The following PTPRO variants were observed in gnomAD, a reference collection of about 807,000 sequenced individuals.
The protein encoded by PTPRO is receptor-type tyrosine-protein phosphatase O.
In PTPRO, 62 loss-of-function variants were observed where a neutral mutation model predicts 145.2. The observed-to-expected ratio is 0.43, with a 90% confidence interval of 0.35 to 0.53. The LOEUF (loss-of-function observed/expected upper bound fraction) is 0.53, where lower values mean the gene tolerates loss of function less well. Among genes scored for constraint, PTPRO ranks in the 20% least tolerant of loss-of-function variants. The pLI is 0.01. For synonymous variants in PTPRO, 565 were observed against 514.7 expected, an observed-to-expected ratio of 1.10 and a Z score of -1.32; for missense variants, 1,345 against 1,482.7, an observed-to-expected ratio of 0.91 and a Z score of 1.53.
At chr12:15,397,236 T>C (rs1272829574) in intron 1 of PTPRO, among the ~76,000 whole-genome samples, 1 of 152,218 alleles carries the variant, frequency 6.6e-6, no homozygotes, top group Admixed American at 6.5e-5. Flanking sequence ...TTCTAACAAC[T>C]GTGTTTTATT....
In PTPRO at chr12:15,553,241, T is replaced by C. The variant is rs192493424; in HGVS notation, c.2558+1570T>C. ...ATATGTGCCTTCATGGAGCTCATAT[T>C]CTAGTGGGAGAAATAGACAATAAAC... On this transcript the variant is annotated intron_variant, in intron 15 of 26. Transcript: ENST00000281171. Among the ~76,000 whole-genome samples, 409 of 152,310 alleles carry C rather than the reference T, an allele frequency of 2.7e-3. 4 individuals are homozygous for C. The highest frequency in any genetic ancestry group is 9.6e-3 in the African/African-American group (397 of 41,560).
chr12:15,405,921 T>C (rs1014551589), intron 1 of PTPRO, among the ~76,000 whole-genome samples: 6 of 152,216 alleles, frequency 3.9e-5, no homozygotes, highest in Admixed American at 2.0e-4. Context: ...TGTAATACAA[T>C]ATTTTCAATT....
intron 1 of PTPRO, among the ~76,000 whole-genome samples, chr12:15,409,550 A>G (rs1337798220): frequency 6.6e-6 from 1 of 152,218 alleles, no homozygotes; most frequent in Non-Finnish European, 1.5e-5. Flanking sequence ...ATTGCTATAA[A>G]GAAATGCCTG....
chr12:15,387,199 A>C (rs892186706), intron 1 of PTPRO, among the ~76,000 whole-genome samples: 5 of 152,226 alleles, frequency 3.3e-5, no homozygotes, highest in Admixed American at 3.3e-4. Flanking sequence ...GGATCATTGA[A>C]ATTCATTTAC....
At chr12:15,343,739 C>T (rs753628676) in intron 1 of PTPRO, among the ~76,000 whole-genome samples, 46 of 152,224 alleles carry the variant, frequency 3.0e-4, no homozygotes, top group Non-Finnish European at 5.6e-4. Flanking sequence ...CTCGCTCTGT[C>T]GCCCAGGCTG....
At chr12:15,484,528 A>G (rs1052354370) in intron 2 of PTPRO, among the ~76,000 whole-genome samples, 1 of 152,142 alleles carries the variant, frequency 6.6e-6, no homozygotes, top group African/African-American at 2.4e-5. Flanking sequence ...TGATTGGACC[A>G]TGTAATTTTC....
At chr12:15,559,834 T>C (rs1406547528) in intron 16 of PTPRO, among the ~76,000 whole-genome samples, 4 of 152,126 alleles carry the variant, frequency 2.6e-5, no homozygotes, top group Non-Finnish European at 5.9e-5. Flanking sequence ...GGCTTAAGCA[T>C]AGGAAGAATA....
Position 15,569,499 on chromosome 12 carries a change from G to A in PTPRO, c.2829+1G>A, listed in dbSNP as rs1591750243. 3 of 1,610,340 alleles carry A rather than the reference G, an allele frequency of 1.9e-6. No individual in the cohort carries two copies. The highest frequency in any genetic ancestry group is 2.5e-6 in the Non-Finnish European group (3 of 1,176,710). On this transcript the variant is annotated splice_donor_variant, in intron 19 of 26. Coordinates refer to ENST00000281171, the MANE Select transcript of PTPRO (RefSeq NM_030667.3). LOFTEE classifies it high-confidence loss of function. ...CTATAAATTTTCTCTTCAGTTTGAG[G>A]TGAGTTGGTTAAGGCATTTTCTACC...
rs533142072 is a variant in PTPRO, at chr12:15,503,908, A to G, written c.1106A>G (p.Glu369Gly). Residue 369 changes from glutamate (E) to glycine (G), a missense_variant and splice_region_variant, in exon 6 of 27, where the codon GAG (glutamate) becomes GGG (glycine). Around this residue, in one of 3 missense-constraint regions of PTPRO, gnomAD observed 1,130 missense variants for 1,214.7 expected, o/e 0.93. Transcript: ENST00000281171. ...CTTCTCTTTTTTATATATGATTTAGAGAACTTTACTGAATATTTGATGGTG... is the reference window on the plus strand; with the variant it reads ...CTTCTCTTTTTTATATATGATTTAGGGAACTTTACTGAATATTTGATGGTG... ...DGFHIHIERE[E>G]NFTEYLMVDE... 16 of 1,567,860 alleles carry G rather than the reference A, an allele frequency of 1.0e-5. No homozygotes were observed. The African/African-American group carries it at 1.5e-4, about 15-fold the overall frequency.
chr12:15,371,007 CA>C (rs1273313481), intron 1 of PTPRO, among the ~76,000 whole-genome samples: 1 of 151,572 alleles, frequency 6.6e-6, no homozygotes, highest in Non-Finnish European at 1.5e-5. Flanking sequence ...TATTGCTAAA[CA>C]AAAAAAATGG....
intron 1 of PTPRO, among the ~76,000 whole-genome samples, chr12:15,383,235 C>A (rs1314990861): frequency 6.6e-6 from 1 of 152,142 alleles, no homozygotes; most frequent in Non-Finnish European, 1.5e-5. Context: ...TTATCTGTAC[C>A]TGGCTTACTT....
rs1345832669 is a variant in PTPRO at position 15,598,150 on chromosome 12, A to G, written c.*2077A>G. 6.6e-6 allele frequency among the ~76,000 whole-genome samples: 1 copy of G among 152,196 alleles called. No homozygotes were observed. The highest frequency in any genetic ancestry group is 1.5e-5 in the Non-Finnish European group (1 of 68,032). On this transcript the variant is annotated 3_prime_UTR_variant, in exon 27 of 27. Transcript: ENST00000281171. Reference sequence around the variant, plus strand: ...GAAAGAGGAAGTATCCAGAGTTTAGACTGAAGGCTTAGAGTCAAAACTACA... The same window carrying G: ...GAAAGAGGAAGTATCCAGAGTTTAGGCTGAAGGCTTAGAGTCAAAACTACA...
At chr12:15,522,247 CTTTT>C (rs10712852) in intron 10 of PTPRO, among the ~76,000 whole-genome samples, 1 of 143,570 alleles carries the variant, frequency 7.0e-6, no homozygotes, top group Non-Finnish European at 1.5e-5. Context: ...TTTTAACCTT[CTTTT>C]TTTTTTTTTT....
chr12:15,462,413 A>C lies in PTPRO; in HGVS notation c.76-21561A>C, dbSNP rs778735943. Among the ~76,000 whole-genome samples the C allele has an allele frequency of 9.8e-4, 149 of 152,298 alleles. 1 individual carries two copies. Among genetic ancestry groups the C allele is most frequent in the Non-Finnish European group, 1.4e-3 (92 of 68,014 alleles). ...AGTGCTGGGATTGTAGGTGTGAGCCACCACACCTGCCCTTGCTCATCTTTT... is the reference window on the plus strand; with the variant it reads ...AGTGCTGGGATTGTAGGTGTGAGCCCCCACACCTGCCCTTGCTCATCTTTT... On this transcript the variant is annotated intron_variant, in intron 1 of 26. Transcript: ENST00000281171.
intron 7 of PTPRO, among the ~76,000 whole-genome samples, chr12:15,513,157 AAAAGAAAGAAAGAAAG>A (rs1162807747): frequency 0.018 from 561 of 30,792 alleles, 15 homozygotes; most frequent in Middle Eastern, 0.051. Context: ...GAAAGAAAGA[AAAAGAAAGAAAGAAAG>A]AAAGAAAGAA....
At chr12:15,323,680 CTT>C (rs1866366393) in intron 1 of PTPRO, among the ~76,000 whole-genome samples, 1 of 152,142 alleles carries the variant, frequency 6.6e-6, no homozygotes, top group Admixed American at 6.5e-5. Flanking sequence ...TGTTGTTAGT[CTT>C]TTCCTCTCTC....
intron 1 of PTPRO, among the ~76,000 whole-genome samples, chr12:15,335,366 C>A (rs1319655016): frequency 6.6e-6 from 1 of 151,826 alleles, no homozygotes; most frequent in East Asian, 1.9e-4. Context: ...ATGTGGTCAT[C>A]TCTTAAAGGA....
chr12:15,509,362 C>G (rs577969361), intron 7 of PTPRO, among the ~76,000 whole-genome samples: 1 of 130,870 alleles, frequency 7.6e-6, no homozygotes, highest in Non-Finnish European at 1.6e-5. Context: ...GTAAAAGTAA[C>G]GCATTCTTGC....
chr12:15,379,818 T>C (rs1040489310), intron 1 of PTPRO, among the ~76,000 whole-genome samples: 43 of 152,094 alleles, frequency 2.8e-4, no homozygotes, highest in African/African-American at 1.0e-3. Context: ...AGGTTTCTTT[T>C]TGGGGTGATG....
Sources: allele counts gnomAD v4.1 joint callset (sites outside exome capture counted in the v4.1 genomes callset), GRCh38; gene constraint gnomAD v4.1.1; regional missense constraint gnomAD v4.1.1; transcripts MANE v1.5; gene names NCBI Gene and HGNC (gene_info 2026-07-23, HGNC 2026-07-21).